Variants in ABLIM1 observed in about 807,000 individuals in gnomAD.
ABLIM1 encodes actin-binding LIM protein 1.
A neutral mutation model predicts 107.0 loss-of-function variants in ABLIM1; 40 were observed. The ratio of observed to expected loss-of-function variants is 0.37; its 90% confidence interval spans 0.29 to 0.49. ABLIM1 has a LOEUF of 0.49. Among genes scored for constraint, ABLIM1 ranks in the 20% least tolerant of loss-of-function variants. ABLIM1 has a pLI of 0.97. For missense variants in ABLIM1, 857 were observed against 1,008.5 expected (o/e 0.85, Z 2.04); for synonymous variants, 357 against 357.3 (o/e 1.00, Z 0.01).
In ABLIM1 at chr10:114,575,655, T is replaced by C. The variant is rs1019380551; in HGVS notation, c.380-56A>G. ...TATCTGCCACACTGCCGGGCAGCAC[T>C]GCCTTTGAGTGAATACTGACTGGTT... On this transcript the variant is annotated intron_variant, in intron 2 of 22. Transcript: ENST00000533213. 4.5e-6 allele frequency: 7 copies of C among 1,544,596 alleles called. No homozygotes were observed. The African/African-American group carries it at 6.8e-5, about 15-fold the overall frequency.
At chr10:114,732,215 G>A (rs1406273345) in intron 1 of ABLIM1, among the ~76,000 whole-genome samples, 6 of 120,350 alleles carry the variant, frequency 5.0e-5, no homozygotes, top group African/African-American at 9.6e-5. Flanking sequence ...ACAGAGTCTC[G>A]CTCAGTCACC....
At chr10:114,731,500 C>T (rs368637199) in intron 1 of ABLIM1, among the ~76,000 whole-genome samples, 5 of 151,816 alleles carry the variant, frequency 3.3e-5, no homozygotes, top group African/African-American at 7.3e-5. Flanking sequence ...CTCACTCTGT[C>T]GCCCACACTG....
rs190133972 is a variant in ABLIM1, at chr10:114,619,699, G to C, written c.245-17738C>G. ...ACAAGGTAAGCGTGGTGAACACAAA[G>C]AGGAGAGGCAGACTCATAGGGAAAA... On this transcript the variant is annotated intron_variant, in intron 1 of 22. Transcript: ENST00000533213. This position sits in a 1 kb window ranked among gnomAD's most constrained non-coding sequence, Gnocchi z 4.1. 1.3e-5 allele frequency among the ~76,000 whole-genome samples: 2 copies of C among 152,280 alleles called. No homozygotes were observed. The highest frequency in any genetic ancestry group is 2.4e-5 in the African/African-American group (1 of 41,558).
intron 1 of ABLIM1, among the ~76,000 whole-genome samples, chr10:114,677,124 G>A (rs2080522430): frequency 1.3e-5 from 2 of 152,160 alleles, no homozygotes; most frequent in Non-Finnish European, 2.9e-5. Flanking sequence ...CCCCTGGCAT[G>A]CTATGGTCCA....
At chr10:114,463,841 T>A (rs1273038388) in intron 12 of ABLIM1, among the ~76,000 whole-genome samples, 1 of 152,220 alleles carries the variant, frequency 6.6e-6, no homozygotes, top group Non-Finnish European at 1.5e-5. Flanking sequence ...ATCACAAGTA[T>A]GCTATCAGAA....
intron 2 of ABLIM1, among the ~76,000 whole-genome samples, chr10:114,597,553 A>G (rs1260986522): frequency 2.6e-5 from 4 of 152,110 alleles, no homozygotes; most frequent in Non-Finnish European, 4.4e-5. Context: ...GAATGGAATG[A>G]GAAGGGAAGA....
intron 21 of ABLIM1, among the ~76,000 whole-genome samples, chr10:114,438,755 T>A (rs937813522): frequency 6.6e-6 from 1 of 152,130 alleles, no homozygotes; most frequent in Non-Finnish European, 1.5e-5. Context: ...ACTCTGAAGG[T>A]ACAGGGTGCT....
intron 22 of ABLIM1, 125 bp from the exon 23 acceptor site, chr10:114,436,498 G>T: frequency 2.9e-6 from 2 of 686,450 alleles, no homozygotes; most frequent in Non-Finnish European, 4.8e-6. Context: ...CGGGAGAGGA[G>T]CCCATCTTTA....
chr10:114,656,128 G>T (rs1268723687), intron 1 of ABLIM1, among the ~76,000 whole-genome samples: 1 of 152,076 alleles, frequency 6.6e-6, no homozygotes, highest in African/African-American at 2.4e-5. Flanking sequence ...AAATTAGCCA[G>T]GTGTGGTGGC....
intron 2 of ABLIM1, among the ~76,000 whole-genome samples, chr10:114,600,744 G>A (rs2253683): frequency 0.69 from 104,587 of 151,876 alleles, 36,654 homozygotes; most frequent in African/African-American, 0.77. Context: ...TCTGAGTCTC[G>A]CCTCCCTTCC....
At chr10:114,696,988 G>T (rs1167525407) in intron 1 of ABLIM1, among the ~76,000 whole-genome samples, 1 of 152,126 alleles carries the variant, frequency 6.6e-6, no homozygotes, top group African/African-American at 2.4e-5. Context: ...CTAAGTCCTA[G>T]GGCTATGCTG....
intron 6 of ABLIM1, among the ~76,000 whole-genome samples, chr10:114,542,581 G>GAAGAGGAGGA (rs111712427): frequency 2.2e-5 from 2 of 90,336 alleles, no homozygotes; most frequent in Admixed American, 9.9e-5. Context: ...GGAGGACGAG[G>GAAGAGGAGGA]AGGAGGAGGA....
At chr10:114,444,449 T>C (rs1828900264) in intron 16 of ABLIM1, among the ~76,000 whole-genome samples, 1 of 152,186 alleles carries the variant, frequency 6.6e-6, no homozygotes, top group Non-Finnish European at 1.5e-5. Context: ...GTGTGGATTT[T>C]TGATGTGGGA....
intron 2 of ABLIM1, among the ~76,000 whole-genome samples, chr10:114,576,613 C>A (rs2497747): frequency 0.26 from 40,062 of 151,960 alleles, 6,355 homozygotes; most frequent in African/African-American, 0.43. Flanking sequence ...TCCCATGACT[C>A]CTTAATTCAT....
upstream of ABLIM1, among the ~76,000 whole-genome samples, chr10:114,769,482 A>AG (rs1566324856): frequency 3.7e-4 from 53 of 144,924 alleles, no homozygotes; most frequent in South Asian, 8.9e-4. Context: ...AAAGAAAGAG[A>AG]AAGAAAGAAA....
chr10:114,554,075 A>C (rs1263553290), intron 4 of ABLIM1, among the ~76,000 whole-genome samples: 1 of 152,178 alleles, frequency 6.6e-6, no homozygotes, highest in South Asian at 2.1e-4. Flanking sequence ...GCAAGAGGTT[A>C]ATCAGAAATT....
In ABLIM1 at chr10:114,629,994, T is replaced by A. The variant is rs1419916435; in HGVS notation, c.244+27963A>T. On this transcript the variant is annotated intron_variant, in intron 1 of 22. Coordinates refer to ENST00000533213, the MANE Select transcript of ABLIM1 (RefSeq NM_002313.7). The surrounding 1 kb of genome is among the most constrained non-coding windows in gnomAD (Gnocchi z 4.0). ...TTTAATCAGTGTCTAAGGGTTAAGA[T>A]AATACTAGTATGTGACCTCTTGGTG... Among the ~76,000 whole-genome samples the A allele has an allele frequency of 6.6e-6, 1 of 152,120 alleles. No homozygotes were observed. The highest frequency in any genetic ancestry group is 1.9e-4 in the East Asian group (1 of 5,190).
intron 2 of ABLIM1, among the ~76,000 whole-genome samples, chr10:114,594,308 A>C (rs1165620500): frequency 6.6e-6 from 1 of 152,250 alleles, no homozygotes; most frequent in African/African-American, 2.4e-5. Context: ...GGTATCTGCC[A>C]GGCAGGCTTG....
intron 4 of ABLIM1, among the ~76,000 whole-genome samples, chr10:114,556,774 G>A (rs577601081): frequency 6.6e-6 from 1 of 152,172 alleles, no homozygotes; most frequent in East Asian, 1.9e-4. Flanking sequence ...AGACACCTAG[G>A]AGTTGACAAA....
Sources: allele counts gnomAD v4.1 joint callset (sites outside exome capture counted in the v4.1 genomes callset), GRCh38; gene constraint gnomAD v4.1.1; non-coding constraint Gnocchi (gnomAD v3.1); transcripts MANE v1.5; gene names NCBI Gene and HGNC (gene_info 2026-07-23, HGNC 2026-07-21).